ANK2: variants seen among roughly 807,000 people sequenced by gnomAD.
ANK2 encodes ankyrin-2.
Under a neutral mutation model 360.5 loss-of-function variants are expected in ANK2, and 83 were observed. The ratio of observed to expected loss-of-function variants is 0.23; its 90% CI spans 0.19 to 0.28. ANK2 has a LOEUF of 0.28. ANK2 is among the 10% of genes least tolerant of loss of function. ANK2 has a pLI of 1.00. For missense variants in ANK2, 4,201 were observed against 4,795.7 expected, an observed-to-expected ratio of 0.88 and a Z score of 3.66; for synonymous variants, 1,740 against 1,759.5, an observed-to-expected ratio of 0.99 and a Z score of 0.28.
intron 1 of ANK2, among the ~76,000 whole-genome samples, chr4:112,888,465 T>C (rs1185427759): frequency 6.6e-6 from 1 of 152,182 alleles, no homozygotes; most frequent in Admixed American, 6.5e-5. Context: ...GGTTTGCATA[T>C]TAAGATATAA....
chr4:113,209,602 G>C (rs186398849), intron 4 of ANK2, among the ~76,000 whole-genome samples: 97 of 152,126 alleles, frequency 6.4e-4, no homozygotes, highest in Admixed American at 2.7e-3. Context: ...GCCTAACAAG[G>C]AGGATCAGGC....
the ANK2 span, among the ~76,000 whole-genome samples, chr4:112,795,878 A>G: frequency 3.1e-4 from 46 of 149,510 alleles, no homozygotes; most frequent in Non-Finnish European, 6.2e-4. Flanking sequence ...GGCTCACTGC[A>G]TCCTCAACCT....
At chr4:113,193,034 A>G (rs1416252970) in intron 2 of ANK2, among the ~76,000 whole-genome samples, 2 of 152,164 alleles carry the variant, frequency 1.3e-5, no homozygotes, top group Non-Finnish European at 2.9e-5. Context: ...CTATGGATGA[A>G]GTGGAGATCC....
In ANK2 at chr4:113,367,202, G is replaced by C. The variant is rs567632443; in HGVS notation, c.11033-364G>C. On this transcript the variant is annotated intron_variant, in intron 41 of 45. Transcript: ENST00000357077. ...TTAACTGTACTCATCTTACTCTTCA[G>C]ATTCTGTGCTTTGACTGTCTCAGTC... 3.3e-5 allele frequency among the ~76,000 whole-genome samples: 5 copies of C among 152,122 alleles called. No homozygotes were observed. The South Asian group carries it at 1.0e-3, about 32-fold the overall frequency.
intron 2 of ANK2, among the ~76,000 whole-genome samples, chr4:112,921,881 G>C (rs1346072286): frequency 3.9e-5 from 6 of 152,154 alleles, no homozygotes; most frequent in Admixed American, 3.3e-4. Flanking sequence ...ACTGACAACT[G>C]ACAGGTACCA....
At chr4:112,862,674 T>C (rs1248701601) in intron 1 of ANK2, among the ~76,000 whole-genome samples, 1 of 152,210 alleles carries the variant, frequency 6.6e-6, no homozygotes, top group African/African-American at 2.4e-5. Flanking sequence ...TTTTATAATT[T>C]ATAATTGTAT....
intron 2 of ANK2, among the ~76,000 whole-genome samples, chr4:112,904,927 T>G (rs1474514862): frequency 6.6e-6 from 1 of 152,186 alleles, no homozygotes; most frequent in Non-Finnish European, 1.5e-5. Context: ...TAAAATTGAT[T>G]GCTATAAGGT....
chr4:112,763,689 G>GC, the ANK2 span, among the ~76,000 whole-genome samples: 1 of 150,692 alleles, frequency 6.6e-6, no homozygotes, highest in African/African-American at 2.4e-5. Flanking sequence ...CCGCCACGGG[G>GC]CCCGACTAAT....
At chr4:112,824,054 C>T (rs913091564) in intron 1 of ANK2, among the ~76,000 whole-genome samples, 7 of 152,146 alleles carry the variant, frequency 4.6e-5, no homozygotes, top group African/African-American at 1.2e-4. Flanking sequence ...TAATTATACC[C>T]TAAACTTTAG....
At chr4:113,100,970 G>T (rs983414852) in intron 1 of ANK2, among the ~76,000 whole-genome samples, 2 of 152,032 alleles carry the variant, frequency 1.3e-5, no homozygotes, top group Non-Finnish European at 2.9e-5. Context: ...GAACTTTTGT[G>T]GGGAGAAGGG....
intron 4 of ANK2, among the ~76,000 whole-genome samples, chr4:113,199,754 A>G (rs1313698908): frequency 6.6e-6 from 1 of 152,108 alleles, no homozygotes; most frequent in Non-Finnish European, 1.5e-5. Context: ...TGAGAAATAT[A>G]TCTTTATAAT....
intron 1 of ANK2, among the ~76,000 whole-genome samples, chr4:113,135,787 G>A (rs1216007151): frequency 1.3e-5 from 2 of 151,908 alleles, no homozygotes; most frequent in African/African-American, 4.8e-5. Context: ...ATGTTCAGAT[G>A]GCCACCAACA....
At chr4:113,070,952 T>G (rs1479825510) in intron 1 of ANK2, among the ~76,000 whole-genome samples, 1 of 151,872 alleles carries the variant, frequency 6.6e-6, no homozygotes, top group Non-Finnish European at 1.5e-5. Context: ...ACATCAAATC[T>G]TGATGACAGT....
intron 2 of ANK2, among the ~76,000 whole-genome samples, chr4:112,987,785 T>A (rs888604125): frequency 6.6e-6 from 1 of 152,150 alleles, no homozygotes; most frequent in African/African-American, 2.4e-5. Context: ...ATATATGTAT[T>A]AGTTCTATAA....
At chr4:112,753,137 T>C in the ANK2 span, among the ~76,000 whole-genome samples, 7 of 152,242 alleles carry the variant, frequency 4.6e-5, no homozygotes, top group East Asian at 1.9e-4. Flanking sequence ...AGAGAGCACA[T>C]TGGTGCCTCC....
chr4:112,847,034 G>T (rs959800908), intron 1 of ANK2, among the ~76,000 whole-genome samples: 5 of 152,202 alleles, frequency 3.3e-5, no homozygotes, highest in African/African-American at 1.2e-4. Flanking sequence ...ATGGCCATAT[G>T]TAGCTTCAAG....
intron 1 of ANK2, among the ~76,000 whole-genome samples, chr4:113,159,276 T>C (rs555157935): frequency 1.3e-5 from 2 of 152,040 alleles, no homozygotes; most frequent in East Asian, 1.9e-4. Flanking sequence ...AAAATGTATA[T>C]GTAAAATGAA....
the ANK2 span, among the ~76,000 whole-genome samples, chr4:112,804,560 T>A: frequency 6.6e-6 from 1 of 152,164 alleles, no homozygotes; most frequent in Non-Finnish European, 1.5e-5. Context: ...AGGGAGCTTG[T>A]TATAGAATGC....
intron 1 of ANK2, among the ~76,000 whole-genome samples, chr4:113,134,382 CACA>C (rs1299586207): frequency 1.5e-4 from 21 of 142,288 alleles, no homozygotes; most frequent in Non-Finnish European, 2.9e-4. Flanking sequence ...AGGTATTACT[CACA>C]ACAAATACGA....
Sources: allele counts gnomAD v4.1 joint callset (sites outside exome capture counted in the v4.1 genomes callset), GRCh38; gene constraint gnomAD v4.1.1; transcripts MANE v1.5; gene names NCBI Gene and HGNC (gene_info 2026-07-23, HGNC 2026-07-21).